Variants in GRM1 observed in about 807,000 individuals in gnomAD.
GRM1 encodes the protein glutamate metabotropic receptor 1.
A neutral mutation model predicts 90.9 loss-of-function variants in GRM1; 33 were observed. The observed-to-expected ratio is 0.36, with a 90% CI of 0.28 to 0.49. The LOEUF (loss-of-function observed/expected upper bound fraction) is 0.49, where lower values mean the gene tolerates loss of function less well. Among genes scored for constraint, GRM1 ranks in the 20% least tolerant of loss-of-function variants. The pLI is 0.99. For synonymous variants in GRM1, 700 were observed against 613.2 expected, an observed-to-expected ratio of 1.14 and a Z score of -2.09; for missense variants, 1,190 against 1,534.3, an observed-to-expected ratio of 0.78 and a Z score of 3.75.
At chr6:146,033,576 TTG>T (rs1790780355) in intron 1 of GRM1, among the ~76,000 whole-genome samples, 1 of 152,244 alleles carries the variant, frequency 6.6e-6, no homozygotes, top group African/African-American at 2.4e-5. Context: ...TTCTAGTATT[TTG>T]TCTCAGTTAC....
At chr6:146,132,658 C>T (rs958427332) in intron 1 of GRM1, among the ~76,000 whole-genome samples, 9 of 152,164 alleles carry the variant, frequency 5.9e-5, no homozygotes, top group African/African-American at 1.9e-4. Context: ...GATGAAGGTA[C>T]AGTTTTGATG....
At chr6:146,207,896 C>T (rs1779547894) in intron 2 of GRM1, among the ~76,000 whole-genome samples, 1 of 152,110 alleles carries the variant, frequency 6.6e-6, no homozygotes, top group African/African-American at 2.4e-5. Flanking sequence ...AAAGTCGCAC[C>T]TAGTACATTC....
chr6:146,377,519 T>C (rs1407811681), intron 5 of GRM1, among the ~76,000 whole-genome samples: 2 of 152,036 alleles, frequency 1.3e-5, no homozygotes, highest in Non-Finnish European at 2.9e-5. Flanking sequence ...GGGTATCTGA[T>C]GGAAGAAAGT....
At chr6:146,086,293 G>A (rs962780896) in intron 1 of GRM1, among the ~76,000 whole-genome samples, 11 of 152,012 alleles carry the variant, frequency 7.2e-5, no homozygotes, top group African/African-American at 4.8e-5. Context: ...TCACTGAATC[G>A]CACATGTCTG....
At chr6:146,280,006 T>G (rs529274780) in intron 2 of GRM1, among the ~76,000 whole-genome samples, 1 of 152,356 alleles carries the variant, frequency 6.6e-6, no homozygotes, top group Admixed American at 6.5e-5. Context: ...TAGGATTTTA[T>G]TGAACTTCTT....
intron 7 of GRM1, among the ~76,000 whole-genome samples, chr6:146,416,120 T>G (rs1777773846): frequency 6.6e-6 from 1 of 152,190 alleles, no homozygotes; most frequent in Admixed American, 6.5e-5. Flanking sequence ...GGATTGTGTC[T>G]TATATGTGCA....
chr6:146,254,070 C>T (rs999793705), intron 2 of GRM1, among the ~76,000 whole-genome samples: 3 of 151,762 alleles, frequency 2.0e-5, no homozygotes, highest in Non-Finnish European at 2.9e-5. Flanking sequence ...TGAGTATAAA[C>T]AACTTTGGCT....
At chr6:146,308,138 T>G (rs2114934400) in intron 3 of GRM1, among the ~76,000 whole-genome samples, 1 of 152,338 alleles carries the variant, frequency 6.6e-6, no homozygotes, top group African/African-American at 2.4e-5. Flanking sequence ...TGCTTTTTCA[T>G]TCCTGATGAG....
At chr6:146,293,197 G>A (rs555054247) in intron 2 of GRM1, among the ~76,000 whole-genome samples, 151 of 152,044 alleles carry the variant, frequency 9.9e-4, no homozygotes, top group Non-Finnish European at 1.5e-3. Flanking sequence ...ATAGATAGAA[G>A]TGATGATTGA....
intron 2 of GRM1, among the ~76,000 whole-genome samples, chr6:146,304,014 G>A (rs1037845964): frequency 2.0e-5 from 3 of 152,126 alleles, no homozygotes; most frequent in Non-Finnish European, 4.4e-5. Flanking sequence ...AATTTGAGAT[G>A]AGATTGTTTT....
At chr6:146,296,388 C>T (rs974915206) in intron 2 of GRM1, among the ~76,000 whole-genome samples, 2 of 152,170 alleles carry the variant, frequency 1.3e-5, no homozygotes, top group Non-Finnish European at 2.9e-5. Context: ...CTTGACATAT[C>T]CGTCACTACA....
chr6:146,161,481 G>C (rs1202054481), intron 2 of GRM1, among the ~76,000 whole-genome samples: 1 of 152,152 alleles, frequency 6.6e-6, no homozygotes, highest in Non-Finnish European at 1.5e-5. Flanking sequence ...AGTCGCACAT[G>C]TGTTTGTTTA....
chr6:146,434,635 T>G lies in GRM1; in HGVS notation c.3424T>G (p.Ser1142Ala). 6.2e-7 allele frequency: 1 copy of G among 1,611,486 alleles called. No individual in the cohort carries two copies. The highest frequency in any genetic ancestry group is 8.5e-7 in the Non-Finnish European group (1 of 1,180,004). Reference sequence around the variant, plus strand: ...GGCCAGCAAACTGACCCCGGATGATTCGCCTGCGCTGACGCCTCCGTCGCC... The same window carrying G: ...GGCCAGCAAACTGACCCCGGATGATGCGCCTGCGCTGACGCCTCCGTCGCC... ...QAASKLTPDD[S>A]PALTPPSPFR... The change falls in exon 8 of 8, where the codon TCG (serine) becomes GCG (alanine). Residue 1142 changes from serine to alanine, a missense_variant. Physicochemically the swap from Ser to Ala is moderately conservative, Grantham distance 99. Around this residue, in one of 10 missense-constraint regions of GRM1, gnomAD observed 400 missense variants for 360.8 expected, o/e 1.11. Coordinates refer to ENST00000282753, the MANE Select transcript of GRM1 (RefSeq NM_001278064.2).
At chr6:146,224,349 T>C (rs1405723127) in intron 2 of GRM1, among the ~76,000 whole-genome samples, 1 of 152,118 alleles carries the variant, frequency 6.6e-6, no homozygotes, top group Admixed American at 6.6e-5. Flanking sequence ...GTGACAAAAC[T>C]ATTTTAATGA....
At chr6:146,127,980 T>A (rs1776258408) in intron 1 of GRM1, among the ~76,000 whole-genome samples, 1 of 152,156 alleles carries the variant, frequency 6.6e-6, no homozygotes, top group Non-Finnish European at 1.5e-5. Context: ...CTCACAAGCC[T>A]CCCTGGCAGT....
At chr6:146,089,113 G>C (rs1776636320) in intron 1 of GRM1, among the ~76,000 whole-genome samples, 1 of 152,078 alleles carries the variant, frequency 6.6e-6, no homozygotes, top group African/African-American at 2.4e-5. Flanking sequence ...GTAAGCCTCT[G>C]TCTGGCTGGC....
At chr6:146,275,957 C>T (rs918944688) in intron 2 of GRM1, among the ~76,000 whole-genome samples, 1 of 150,982 alleles carries the variant, frequency 6.6e-6, no homozygotes, top group African/African-American at 2.4e-5. Context: ...TTTTATTTTC[C>T]AATAGATGAG....
chr6:146,064,591 T>A (rs1775781339), intron 1 of GRM1, among the ~76,000 whole-genome samples: 1 of 152,012 alleles, frequency 6.6e-6, no homozygotes, highest in Non-Finnish European at 1.5e-5. Flanking sequence ...CTGTTCTACT[T>A]CCTTGATCCA....
rs746093694 is a variant in GRM1, at chr6:146,399,018, A to G, written c.1979A>G (p.Gln660Arg). 1 of 1,613,906 alleles carries G rather than the reference A, an allele frequency of 6.2e-7. No individual in the cohort carries two copies. Among genetic ancestry groups the G allele is most frequent in the Non-Finnish European group, 8.5e-7 (1 of 1,179,980 alleles). The change falls in exon 7 of 8, where the codon CAG becomes CGG. Residue 660 changes from glutamine to arginine, a missense_variant. Physicochemically the swap from Gln to Arg is conservative, Grantham distance 43. Transcript: ENST00000282753. The surrounding 1 kb of genome is among the most constrained non-coding windows in gnomAD (Gnocchi z 5.4). ...CCTACTACCACCTCCTGCTACCTCC[A>G]GCGCCTCTTGGTTGGCCTCTCCTCT... ...AKPTTTSCYL[Q>R]RLLVGLSSAM... is the part of the protein sequence containing the mutation.
Sources: gnomAD v4.1 joint callset for allele counts (sites outside exome capture counted in the v4.1 genomes callset) on GRCh38, gnomAD v4.1.1 for gene constraint, gnomAD v4.1.1 regional missense constraint, Gnocchi (gnomAD v3.1) non-coding constraint, MANE v1.5 for transcripts, NCBI Gene and HGNC (gene_info 2026-07-23, HGNC 2026-07-21) for gene names.